Variants in CFAP70 observed in about 807,000 individuals in gnomAD.
CFAP70 encodes cilia and flagella associated protein 70.
In CFAP70, 81 loss-of-function variants were observed where a neutral mutation model predicts 137.6. The observed-to-expected ratio is 0.59, with a 90% confidence interval of 0.49 to 0.71. The LOEUF (loss-of-function observed/expected upper bound fraction) is 0.71. Ranked by LOEUF, CFAP70 falls within the 30% of genes least tolerant of loss-of-function variation. CFAP70 has a pLI of 0.00. For synonymous variants in CFAP70, 382 were observed against 423.6 expected (o/e 0.90, Z 1.20); for missense variants, 976 against 1,226.7 (o/e 0.80, Z 3.05).
chr10:73,299,583 T>G (rs1275791506), intron 13 of CFAP70, 22 bp downstream of exon 14: 1 of 1,606,744 alleles, frequency 6.2e-7, no homozygotes, highest in African/African-American at 1.3e-5. Flanking sequence ...ACTTATCATT[T>G]CAACTTGGCT....
Position 73,282,188 on chromosome 10 carries a change from G to A in CFAP70, c.2240-3851C>T, listed in dbSNP as rs151336488. ...TGAGCCACATGCAGAGAGGAGGAGC[G>A]GAGGGGAGGATTGGGCAGCTGGCCT... On this transcript the variant is annotated intron_variant, in intron 19 of 26. Coordinates refer to ENST00000310715, the Ensembl canonical transcript of CFAP70. Among the ~76,000 whole-genome samples, 71 of 152,312 alleles carry A rather than the reference G, an allele frequency of 4.7e-4. 1 individual carries two copies. Among genetic ancestry groups the A allele is most frequent in the African/African-American group, 1.4e-3 (60 of 41,552 alleles).
chr10:73,285,699 G>A lies in CFAP70; in HGVS notation c.2239+5527C>T, dbSNP rs867682614. Reference sequence around the variant, plus strand: ...GCTGAGGCTGGAGTGCAGTGGCACCGTGTCGGCTCACTGCAACCTTTGTCT... The same window carrying A: ...GCTGAGGCTGGAGTGCAGTGGCACCATGTCGGCTCACTGCAACCTTTGTCT... On this transcript the variant is annotated intron_variant, in intron 19 of 26. Transcript: ENST00000310715. Among the ~76,000 whole-genome samples the A allele has an allele frequency of 8.8e-5, 13 of 148,522 alleles. No individual in the cohort carries two copies. The South Asian group carries it at 1.5e-3, about 17-fold the overall frequency.
chr10:73,253,857 G>T (rs2044196176), exon 27 of CFAP70: 2 of 695,314 alleles, frequency 2.9e-6, no homozygotes, highest in South Asian at 6.6e-5. Context: ...AAATGAATGG[G>T]TCTCTGTTTA....
chr10:73,305,684 A>G (rs1388395605), intron 12 of CFAP70, among the ~76,000 whole-genome samples: 1 of 152,228 alleles, frequency 6.6e-6, no homozygotes. Flanking sequence ...CACCTTCAAC[A>G]ATAAAAAGCA....
chr10:73,323,278 A>C (rs1423440285), intron 8 of CFAP70, among the ~76,000 whole-genome samples, 181 bp from the exon 10 acceptor site: 1 of 145,862 alleles, frequency 6.9e-6, no homozygotes, highest in Non-Finnish European at 1.5e-5. Context: ...AAATGGGTTT[A>C]ATAATACCAT....
intron 5 of CFAP70, 51 bp downstream of exon 6, chr10:73,345,014 T>C (rs757910450): frequency 1.1e-5 from 16 of 1,484,558 alleles, no homozygotes; most frequent in Non-Finnish European, 1.5e-5. Flanking sequence ...GATGGCCATA[T>C]GAGTACAGAC....
intron 25 of CFAP70, 46 bp from the exon 27 acceptor site, chr10:73,256,462 T>C (rs369841293): frequency 1.1e-5 from 17 of 1,610,436 alleles, no homozygotes; most frequent in Non-Finnish European, 1.4e-5. Context: ...TCATAAACAT[T>C]ATGGTAAGGA....
At chr10:73,255,327 G>A (rs907473219) in intron 26 of CFAP70, among the ~76,000 whole-genome samples, 1 of 152,160 alleles carries the variant, frequency 6.6e-6, no homozygotes, top group African/African-American at 2.4e-5. Flanking sequence ...CCCGGGAGGC[G>A]GAGCTTGCAG....
At chr10:73,266,966 AT>A (rs2045838682) in intron 25 of CFAP70, among the ~76,000 whole-genome samples, 1 of 152,066 alleles carries the variant, frequency 6.6e-6, no homozygotes, top group South Asian at 2.1e-4. Context: ...TTAAAAATTA[AT>A]TCATTGATTT....
chr10:73,351,399 T>G (rs1263930024), intron 3 of CFAP70, among the ~76,000 whole-genome samples: 1 of 151,948 alleles, frequency 6.6e-6, no homozygotes, highest in Non-Finnish European at 1.5e-5. Context: ...ATTACAGGCG[T>G]GAGCCACTGC....
chr10:73,292,887 G>A (rs1436142504), intron 16 of CFAP70, among the ~76,000 whole-genome samples: 7 of 152,022 alleles, frequency 4.6e-5, no homozygotes, highest in Admixed American at 3.9e-4. Flanking sequence ...TCGGTGTCAC[G>A]TCTAAGAACT....
rs948149722 is a variant in CFAP70 at position 73,323,266 on chromosome 10, C to T, written c.778-169G>A. On this transcript the variant is annotated intron_variant, in intron 8 of 26. Transcript: ENST00000310715. ...AGACATTTTGGGCCTTCTTTATCTT[C>T]AAAATGGGTTTAATAATACCATGAT... is the stretch of plus-strand genomic sequence containing the variant. Among the ~76,000 whole-genome samples the T allele has an allele frequency of 2.2e-5, 3 of 133,778 alleles. No homozygotes were observed. In the Admixed American group the frequency reaches 2.8e-4, roughly 12 times the overall value. 87.8% of individuals were successfully genotyped at this position (133,778 alleles called of 152,430 possible).
intron 8 of CFAP70, among the ~76,000 whole-genome samples, chr10:73,329,930 C>T (rs2051903324): frequency 6.6e-6 from 1 of 152,164 alleles, no homozygotes; most frequent in South Asian, 2.1e-4. Context: ...TGACAGTCTC[C>T]TGTCATGTAT....
chr10:73,348,440 A>G, exon 4 of CFAP70: 1 of 1,598,772 alleles, frequency 6.3e-7, no homozygotes. Context: ...TAAGGGAAGA[A>G]GGTCCACCAC....
chr10:73,272,814 A>G (rs2046416331), intron 24 of CFAP70, 114 bp downstream of exon 25: 1 of 880,622 alleles, frequency 1.1e-6, no homozygotes, highest in Non-Finnish European at 1.9e-6. Flanking sequence ...TCATTACAGC[A>G]GACAGCCCTG....
chr10:73,334,944 C>T (rs6480698), intron 7 of CFAP70, among the ~76,000 whole-genome samples: 15,673 of 149,564 alleles, frequency 0.1, 1,190 homozygotes, highest in East Asian at 0.3. Flanking sequence ...AGTGCAGTGA[C>T]GCAATCACAG....
At chr10:73,253,892 G>C (rs1411580019) in exon 27 of CFAP70, 1 of 1,102,422 alleles carries the variant, frequency 9.1e-7, no homozygotes, top group Non-Finnish European at 1.3e-6. Flanking sequence ...TCGTTCTCCA[G>C]CTCCAGGCTT....
rs537159696 is a variant in CFAP70 at position 73,258,770 on chromosome 10, T to C, written c.3028-2354A>G. ...AATGGCCGCTCTGGGAGTGTCTCTC[T>C]CTTATATGGTTGTATATAAGGGATG... On this transcript the variant is annotated intron_variant, in intron 25 of 26. Coordinates refer to ENST00000310715, the Ensembl canonical transcript of CFAP70. Among the ~76,000 whole-genome samples, 98 of 152,338 alleles carry C rather than the reference T, an allele frequency of 6.4e-4. 2 individuals are homozygous for C. The South Asian group carries it at 0.019, about 30-fold the overall frequency.
chr10:73,341,694 T>TC, intron 5 of CFAP70, 113 bp from the exon 7 acceptor site: 2 of 882,982 alleles, frequency 2.3e-6, no homozygotes, highest in South Asian at 3.2e-5. Context: ...AACATACCCC[T>TC]CTACGATTAA....
Sources: allele counts gnomAD v4.1 joint callset (sites outside exome capture counted in the v4.1 genomes callset), GRCh38; gene constraint gnomAD v4.1.1; transcripts MANE v1.5; gene names NCBI Gene and HGNC (gene_info 2026-07-23, HGNC 2026-07-21).